Variants in NUP50 observed in about 807,000 individuals in gnomAD.
NUP50 encodes nucleoporin 50.
In NUP50, 14 loss-of-function variants were observed where a neutral mutation model predicts 36.8. That is an observed-to-expected ratio of 0.38 (90% CI 0.25 to 0.59). The LOEUF (loss-of-function observed/expected upper bound fraction) is 0.59, where lower values mean the gene tolerates loss of function less well. Among genes scored for constraint, NUP50 ranks in the 20% least tolerant of loss-of-function variants. The pLI, the probability that NUP50 is intolerant of heterozygous loss-of-function variation, is 0.63. For synonymous variants in NUP50, 195 were observed against 210.8 expected, an observed-to-expected ratio of 0.93 and a Z score of 0.65; for missense variants, 455 against 564.6, an observed-to-expected ratio of 0.81 and a Z score of 1.97.
At chr22:45,166,861 T>G (rs2074103016) in intron 1 of NUP50, among the ~76,000 whole-genome samples, 1 of 152,290 alleles carries the variant, frequency 6.6e-6, no homozygotes, top group African/African-American at 2.4e-5. Context: ...ATCCTTTATA[T>G]TTTAGAATCT....
intron 7 of NUP50, chr22:45,183,780 T>C (rs1398019087): frequency 5.2e-6 from 2 of 385,712 alleles, no homozygotes; most frequent in East Asian, 9.5e-5. Flanking sequence ...GATTAGACCA[T>C]TTAATGAACA....
At chr22:45,182,845 C>CA (rs1258752296) in intron 6 of NUP50, among the ~76,000 whole-genome samples, 1 of 151,774 alleles carries the variant, frequency 6.6e-6, no homozygotes, top group Non-Finnish European at 1.5e-5. Flanking sequence ...AGGATGGTCT[C>CA]AATCTCCTGA....
chr22:45,181,673 CCT>C (rs767973261), intron 6 of NUP50, among the ~76,000 whole-genome samples: 6 of 152,108 alleles, frequency 3.9e-5, no homozygotes, highest in Non-Finnish European at 7.4e-5. Context: ...GTCTTCTCTC[CCT>C]GTGTCTTTCT....
chr22:45,171,613 C>T lies in NUP50; in HGVS notation c.83C>T (p.Ser28Phe). The change falls in exon 3 of 8, where the codon TCC becomes TTC. Residue 28 changes from serine (S) to phenylalanine (F), a missense_variant. By Grantham distance (155) the Ser-to-Phe change is radical (BLOSUM62 -2). This residue lies in a region of NUP50 where 166 missense variants were observed against 202.8 expected (regional missense o/e 0.82). Transcript: ENST00000347635. ...ATTGTATTGCAGGTGGGAACATTCT[C>T]CATGGCCAGTGAGGAAGTCTTGAAG... ...EDEAEEVGTF[S>F]MASEEVLKNR... is the part of the protein sequence containing the mutation. 1.2e-6 allele frequency: 2 copies of T among 1,613,996 alleles called. No homozygotes were observed. The highest frequency in any genetic ancestry group is 1.7e-6 in the Non-Finnish European group (2 of 1,179,920).
rs1280749556 is a variant in NUP50, at chr22:45,164,167, C to T, written c.-140C>T. ...CGAGCACTAAGTCCTCTGAGTTCCG[C>T]AGCGCAGCACCGGAAGCGGCCGAGC... On this transcript the variant is annotated 5_prime_UTR_variant, in exon 1 of 8. Coordinates refer to ENST00000347635, the MANE Select transcript of NUP50 (RefSeq NM_007172.4). The T allele has an allele frequency of 6.6e-6, 1 of 152,324 alleles. No homozygotes were observed. The highest frequency in any genetic ancestry group is 1.5e-5 in the Non-Finnish European group (1 of 68,140). The allele number at this position is 152,324 out of a possible 1,614,324, so 9.4% of individuals were successfully genotyped here.
chr22:45,183,329 A>C (rs1601791678), intron 6 of NUP50, 73 bp from the exon 7 acceptor site: 2 of 831,992 alleles, frequency 2.4e-6, no homozygotes, highest in East Asian at 4.9e-5. Context: ...AAGTGTGAAG[A>C]GTGGTTGTTA....
At position 45,184,914 on chromosome 22, in the gene NUP50, T is replaced by C; in HGVS notation, c.*259T>C. 1 of 490,860 alleles carries C rather than the reference T, an allele frequency of 2.0e-6. No individual in the cohort carries two copies. The highest frequency in any genetic ancestry group is 1.9e-5 in the African/African-American group (1 of 51,670). The allele number at this position is 490,860 out of a possible 1,614,324, so 30.4% of individuals were successfully genotyped here. A position where few individuals can be genotyped will look rare whatever the true frequency, so the allele number is the denominator to read the frequency against. On this transcript the variant is annotated 3_prime_UTR_variant, in exon 8 of 8. Coordinates refer to ENST00000347635, the MANE Select transcript of NUP50 (RefSeq NM_007172.4). ...TGGAAGATTTTTTAATGTTCGTTTA[T>C]TAAACTAACCCTAAGTGATTTCTTC...
At chr22:45,171,841 A>G in intron 3 of NUP50, 158 bp downstream of exon 3, 2 of 599,564 alleles carry the variant, frequency 3.3e-6, no homozygotes, top group Admixed American at 2.9e-5. Flanking sequence ...AAGAAACGTC[A>G]GGTCTGGACC....
At chr22:45,181,976 G>A (rs556782841) in intron 6 of NUP50, among the ~76,000 whole-genome samples, 91 of 152,274 alleles carry the variant, frequency 6.0e-4, no homozygotes, top group African/African-American at 1.9e-3. Flanking sequence ...AAAAATTTCC[G>A]AATAATGAGC....
At chr22:45,166,088 T>TC (rs2074089574) in intron 1 of NUP50, 1 of 152,142 alleles carries the variant, frequency 6.6e-6, no homozygotes, top group Non-Finnish European at 1.5e-5. Flanking sequence ...AAAACAAAGA[T>TC]CCCTGCGTTT....
chr22:45,173,671 G>C (rs1469968734), intron 3 of NUP50, among the ~76,000 whole-genome samples: 1 of 152,148 alleles, frequency 6.6e-6, no homozygotes, highest in Non-Finnish European at 1.5e-5. Context: ...AGGGTCCTAC[G>C]AGGAGTGAGA....
rs139843323 is a variant in NUP50, at chr22:45,176,045, G to A, written c.305G>A (p.Ser102Asn). Residue 102 changes from serine (S) to asparagine (N), a missense_variant, in exon 4 of 8, where the codon AGT becomes AAT. Around this residue, in one of 3 missense-constraint regions of NUP50, gnomAD observed 166 missense variants for 202.8 expected, o/e 0.82. Transcript: ENST00000347635. The part of the protein sequence containing the change: ...NNITSAPPFA[S>N]AKAAADPKVA... Reference sequence around the variant, plus strand: ...ATAACCAGTGCCCCTCCCTTCGCCAGTGCAAAGGCAGCGGCAGATCCCAAG... The same window carrying A: ...ATAACCAGTGCCCCTCCCTTCGCCAATGCAAAGGCAGCGGCAGATCCCAAG... 8.1e-6 allele frequency: 13 copies of A among 1,614,132 alleles called. No homozygotes were observed. In the East Asian group the frequency reaches 2.9e-4, roughly 36 times the overall value.
rs1044077879 is a variant in NUP50, at chr22:45,186,301, G to A, written c.*1646G>A. 2 of 152,212 alleles carry A rather than the reference G, an allele frequency of 1.3e-5. No homozygotes were observed. Among genetic ancestry groups the A allele is most frequent in the African/African-American group, 2.4e-5 (1 of 41,448 alleles). 9.4% of individuals were successfully genotyped at this position (152,212 alleles called of 1,614,324 possible). On this transcript the variant is annotated 3_prime_UTR_variant, in exon 8 of 8. Transcript: ENST00000347635. ...AGGAAGTGGCCGTTAGTTTTACACT[G>A]ACTTTTTAAGAATGGAGAATGCACG...
In NUP50 at chr22:45,187,310, GT is replaced by G. The variant is rs2083459292; in HGVS notation, c.*2659del. The G allele has an allele frequency of 6.7e-6, 1 of 149,474 alleles. No homozygotes were observed. Among genetic ancestry groups the G allele is most frequent in the Non-Finnish European group, 1.5e-5 (1 of 67,648 alleles). The allele number at this position is 149,474 out of a possible 1,614,324, so 9.3% of individuals were successfully genotyped here. A position where few individuals can be genotyped will look rare whatever the true frequency, so the allele number is the denominator to read the frequency against. On this transcript the variant is annotated 3_prime_UTR_variant, in exon 8 of 8. Transcript: ENST00000347635. The stretch of plus-strand genomic sequence containing the variant: ...CAGTTTTTAAAGAAGTTTAGATTAT[GT>G]TTTCCATGGAAGGACAAGTCTGACT...
chr22:45,180,143 G>A (rs1441410563), intron 5 of NUP50: 1 of 152,218 alleles, frequency 6.6e-6, no homozygotes, highest in Admixed American at 6.5e-5. Context: ...GGCAGGCACT[G>A]GGGATTTGAA....
At chr22:45,167,047 T>C (rs1423137985) in intron 1 of NUP50, among the ~76,000 whole-genome samples, 1 of 152,216 alleles carries the variant, frequency 6.6e-6, no homozygotes, top group Non-Finnish European at 1.5e-5. Context: ...AAGAGTGATA[T>C]GTCACCTCAT....
rs113634721 is a variant in NUP50, at chr22:45,171,663, C to T, written c.133C>T (p.Arg45Cys). The change falls in exon 3 of 8, where the codon CGC (arginine) becomes TGC (cysteine). Residue 45 changes from arginine (R) to cysteine (C), a missense_variant. Physicochemically the swap from Arg to Cys is radical, Grantham distance 180. Coordinates refer to ENST00000347635, the MANE Select transcript of NUP50 (RefSeq NM_007172.4). ...GAATAGAGCCATAAAGAAAGCAAAG[C>T]GCAGAAATGTTGGATTTGAAGTGAG... is the stretch of plus-strand genomic sequence containing the variant. The part of the protein sequence containing the change: ...LKNRAIKKAK[R>C]RNVGFESDTG... 1.6e-4 allele frequency: 252 copies of T among 1,613,998 alleles called. No individual in the cohort carries two copies. Among genetic ancestry groups the T allele is most frequent in the Admixed American group, 5.0e-4 (30 of 60,012 alleles).
chr22:45,180,805 G>A (rs907277515), intron 5 of NUP50, among the ~76,000 whole-genome samples: 17 of 151,770 alleles, frequency 1.1e-4, no homozygotes, highest in African/African-American at 4.1e-4. Context: ...CTTACACTGG[G>A]GCTTTGGAAT....
At chr22:45,171,766 A>G (rs1197465452) in intron 3 of NUP50, 83 bp downstream of exon 3, 6 of 1,033,284 alleles carry the variant, frequency 5.8e-6, no homozygotes, top group Non-Finnish European at 9.1e-6. Context: ...GGGAGCAATG[A>G]TATCAACAAA....
Sources: allele counts gnomAD v4.1 joint callset (sites outside exome capture counted in the v4.1 genomes callset), GRCh38; gene constraint gnomAD v4.1.1; regional missense constraint gnomAD v4.1.1; transcripts MANE v1.5; gene names NCBI Gene and HGNC (gene_info 2026-07-23, HGNC 2026-07-21).